Variants in DHX38 observed in about 807,000 individuals in gnomAD.
The protein encoded by DHX38 is DEAH-box helicase 38.
In DHX38, 100 loss-of-function variants were observed where a neutral mutation model predicts 153.1. The ratio of observed to expected loss-of-function variants is 0.65; its 90% CI spans 0.56 to 0.77. DHX38 has a LOEUF of 0.77. DHX38 is among the 30% of genes least tolerant of loss of function. The pLI is 0.00. For synonymous variants in DHX38, 650 were observed against 631.7 expected (o/e 1.03, Z -0.43); for missense variants, 1,440 against 1,654.0 (o/e 0.87, Z 2.24).
intron 7 of DHX38, 21 bp from the exon 8 acceptor site, chr16:72,099,711 G>C: frequency 6.2e-7 from 1 of 1,613,550 alleles, no homozygotes; most frequent in Non-Finnish European, 8.5e-7. Context: ...TCACTCCCTT[G>C]CTTTGCCTCC....
chr16:72,109,546 G>T (rs1314918386), intron 25 of DHX38, 36 bp downstream of exon 25: 1 of 1,584,130 alleles, frequency 6.3e-7, no homozygotes, highest in Non-Finnish European at 8.6e-7. Context: ...GGTGCTGTTT[G>T]CCTGTGGGGT....
chr16:72,096,591 T>C, intron 2 of DHX38, 111 bp downstream of exon 2: 1 of 1,464,230 alleles, frequency 6.8e-7, no homozygotes, highest in African/African-American at 1.4e-5. Context: ...TTTATGATTT[T>C]ATTATGATTC....
At chr16:72,102,894 C>T (rs901440206) in intron 11 of DHX38, among the ~76,000 whole-genome samples, 180 bp from the exon 12 acceptor site, 3 of 152,196 alleles carry the variant, frequency 2.0e-5, no homozygotes, top group African/African-American at 4.8e-5. Flanking sequence ...ATGATGGATT[C>T]TCAAGTAGCA....
rs370725231 is a variant in DHX38, at chr16:72,096,445, C to A, written c.288C>A (p.Gly96=). ...KDDQKDAEEE[G]GDQAGQNIRK... ...ACCAGAAGGATGCTGAGGAAGAGGG[C>A]GGTGACCAGGCTGGCCAAAATATCC... The change falls in exon 2 of 27, where the codon GGC becomes GGA. Residue 96 remains glycine (G), a synonymous_variant. Coordinates refer to ENST00000268482, the MANE Select transcript of DHX38 (RefSeq NM_014003.4). 2 of 1,613,314 alleles carry A rather than the reference C, an allele frequency of 1.2e-6. No homozygotes were observed. Among genetic ancestry groups the A allele is most frequent in the African/African-American group, 2.7e-5 (2 of 74,912 alleles).
At position 72,107,118 on chromosome 16, in the gene DHX38, GTGAGACTC is replaced by G. The variant is rs919565544; in HGVS notation, c.2601-219_2601-212del. ...CGGGAGGCAGAGGTTGGGCAACAGA[GTGAGACTC>G]TGTCTAAAAAAAAAAGAAATGAAAC... On this transcript the variant is annotated intron_variant, in intron 19 of 26. Coordinates refer to ENST00000268482, the MANE Select transcript of DHX38 (RefSeq NM_014003.4). This position sits in a 1 kb window ranked among gnomAD's most constrained non-coding sequence, Gnocchi z 5.3. Among the ~76,000 whole-genome samples the G allele has an allele frequency of 3.9e-5, 6 of 152,164 alleles. No homozygotes were observed. Among genetic ancestry groups the G allele is most frequent in the Non-Finnish European group, 8.8e-5 (6 of 68,040 alleles).
intron 3 of DHX38, chr16:72,097,359 G>T: frequency 2.4e-6 from 1 of 413,706 alleles, no homozygotes; most frequent in East Asian, 4.1e-5. Context: ...ATCCAATGCT[G>T]TCCTTGCTCA....
chr16:72,103,837 C>T (rs377014447), intron 13 of DHX38, 49 bp downstream of exon 13: 123 of 1,596,636 alleles, frequency 7.7e-5, no homozygotes, highest in Non-Finnish European at 9.9e-5. Flanking sequence ...TAGTAGCTTC[C>T]ACCCATTTTT....
chr16:72,100,816 A>T (rs1217618798), intron 9 of DHX38, among the ~76,000 whole-genome samples: 1 of 152,134 alleles, frequency 6.6e-6, no homozygotes, highest in Non-Finnish European at 1.5e-5. Context: ...AGTTTCAGCT[A>T]CTCGGGAGGC....
In DHX38 at chr16:72,107,551, G is replaced by A. The variant is rs1296958129; in HGVS notation, c.2809+3G>A. The A allele has an allele frequency of 1.2e-6, 2 of 1,611,548 alleles. No homozygotes were observed. The highest frequency in any genetic ancestry group is 1.7e-6 in the Non-Finnish European group (2 of 1,177,860). On this transcript the variant is annotated splice_donor_region_variant and intron_variant, in intron 20 of 26. Transcript: ENST00000268482. The surrounding 1 kb of genome is among the most constrained non-coding windows in gnomAD (Gnocchi z 5.3). ...CCTCGGGGCCCTGGACAACACAGGT[G>A]AGGCGGCCCCGGGAGCCTCATGGGT...
rs572242169 is a variant in DHX38 at position 72,101,159 on chromosome 16, T to C, written c.1352T>C (p.Val451Ala). 12 of 1,614,256 alleles carry C rather than the reference T, an allele frequency of 7.4e-6. No homozygotes were observed. The highest frequency in any genetic ancestry group is 5.0e-5 in the Admixed American group (3 of 60,032). The change falls in exon 10 of 27, where the codon GTG becomes GCG. Residue 451 changes from valine to alanine, a missense_variant. By Grantham distance (64) the Val-to-Ala change is moderately conservative. Coordinates refer to ENST00000268482, the MANE Select transcript of DHX38 (RefSeq NM_014003.4). ...ATTGCTCGGAAAGGCAGCCAGACAG[T>C]GCGGAAGCACAGGGAGCAGAAGGAG... ...AIIARKGSQT[V>A]RKHREQKERK...
intron 8 of DHX38, 107 bp from the exon 9 acceptor site, chr16:72,100,329 C>A: frequency 7.0e-7 from 1 of 1,423,976 alleles, no homozygotes; most frequent in Non-Finnish European, 9.5e-7. Context: ...ATCTTTGCAG[C>A]TACCAGTGGC....
In DHX38 at chr16:72,103,126, G is replaced by A; in HGVS notation, c.1552G>A (p.Glu518Lys). The change falls in exon 12 of 27, where the codon GAA (glutamate) becomes AAA (lysine). Residue 518 changes from glutamate to lysine, a missense_variant. Glu to Lys is a moderately conservative substitution (Grantham distance 56). Transcript: ENST00000268482. The stretch of plus-strand genomic sequence containing the variant: ...GAAGAGAAAGAGCGAAGCCAGCAGT[G>A]AATTTGCAAAGAAGAAGTCCATCCT... ...HMKRKSEASS[E>K]FAKKKSILEQ... 1 of 1,614,240 alleles carries A rather than the reference G, an allele frequency of 6.2e-7. No individual in the cohort carries two copies. Among genetic ancestry groups the A allele is most frequent in the Non-Finnish European group, 8.5e-7 (1 of 1,180,046 alleles).
At position 72,098,866 on chromosome 16, in the gene DHX38, G is replaced by A. The variant is rs372478257; in HGVS notation, c.765-61G>A. 14 of 1,613,694 alleles carry A rather than the reference G, an allele frequency of 8.7e-6. No individual in the cohort carries two copies. The East Asian group carries it at 1.1e-4, about 13-fold the overall frequency. ...AGCCTCGGCAGGGAGAGCAGATGGT[G>A]GCCAGGAGGACGTGGCTTAGCTCAG... On this transcript the variant is annotated intron_variant, in intron 5 of 26. Transcript: ENST00000268482.
Position 72,107,267 on chromosome 16 carries a change from C to T in DHX38, c.2601-73C>T. 1.4e-6 allele frequency: 2 copies of T among 1,454,268 alleles called. No individual in the cohort carries two copies. The highest frequency in any genetic ancestry group is 1.8e-6 in the Non-Finnish European group (2 of 1,081,878). 90.1% of individuals were successfully genotyped at this position (1,454,268 alleles called of 1,614,324 possible). A position where few individuals can be genotyped will look rare whatever the true frequency, so the allele number is the denominator to read the frequency against. On this transcript the variant is annotated intron_variant, in intron 19 of 26. Transcript: ENST00000268482. This position sits in a 1 kb window ranked among gnomAD's most constrained non-coding sequence, Gnocchi z 5.3. ...GAAGAAATGAGAATTTCCTCCCTCC[C>T]TGTGGGATTTCATCTGTACTGGCTG...
At chr16:72,108,969 T>A (rs2042221877) in intron 24 of DHX38, 44 bp downstream of exon 24, 1 of 1,546,034 alleles carries the variant, frequency 6.5e-7, no homozygotes, top group Non-Finnish European at 8.7e-7. Context: ...GCCCCCTGTC[T>A]GGCCAGGCTT....
In DHX38 at chr16:72,103,699, A is replaced by G; in HGVS notation, c.1735A>G (p.Met579Val). 1 of 1,614,114 alleles carries G rather than the reference A, an allele frequency of 6.2e-7. No individual in the cohort carries two copies. The highest frequency in any genetic ancestry group is 2.2e-5 in the East Asian group (1 of 44,876). Residue 579 changes from methionine to valine, a missense_variant, in exon 13 of 27, where the codon ATG becomes GTG. By Grantham distance (21) the Met-to-Val change is conservative. This residue lies in a region of DHX38 where 241 missense variants were observed against 229.5 expected (regional missense o/e 1.05). Coordinates refer to ENST00000268482, the MANE Select transcript of DHX38 (RefSeq NM_014003.4). Reference protein sequence around the residue: ...LHEDGYTDYGMIGCTQPRRVA... With the variant: ...LHEDGYTDYGVIGCTQPRRVA... ...TGAAGATGGTTACACGGACTATGGG[A>G]TGATTGGGTGTACCCAGCCCCGGCG...
Position 72,103,987 on chromosome 16 carries a change from C to T in DHX38, c.1866C>T (p.Asn622=), listed in dbSNP as rs929338146. 2 of 1,614,214 alleles carry T rather than the reference C, an allele frequency of 1.2e-6. No individual in the cohort carries two copies. The highest frequency in any genetic ancestry group is 8.5e-7 in the Non-Finnish European group (1 of 1,180,042). The change falls in exon 14 of 27, where the codon AAC becomes AAT. Residue 622 remains asparagine, a synonymous_variant. Coordinates refer to ENST00000268482, the MANE Select transcript of DHX38 (RefSeq NM_014003.4). The part of the protein sequence containing the change: ...AIRFEDCTSE[N]TLIKYMTDGI... ...GCTTTGAAGACTGCACTTCAGAGAA[C>T]ACCTTGATCAAATACATGACTGACG...
In DHX38 at chr16:72,112,858, G is replaced by A. The variant is rs1033727216; in HGVS notation, c.*361G>A. The A allele has an allele frequency of 1.4e-6, 1 of 700,760 alleles. No homozygotes were observed. The allele number at this position is 700,760 out of a possible 1,614,324, so 43.4% of individuals were successfully genotyped here. On this transcript the variant is annotated 3_prime_UTR_variant, in exon 27 of 27. Coordinates refer to ENST00000268482, the MANE Select transcript of DHX38 (RefSeq NM_014003.4). ...CAGCAAAAAAGACCTAAAGGGAATTGTAATTTGGTTATAATTCAGGATTTG... is the reference window on the plus strand; with the variant it reads ...CAGCAAAAAAGACCTAAAGGGAATTATAATTTGGTTATAATTCAGGATTTG...
Position 72,104,219 on chromosome 16 carries a change from G to T in DHX38, c.2010+88G>T, listed in dbSNP as rs981575854. On this transcript the variant is annotated intron_variant, in intron 14 of 26. Coordinates refer to ENST00000268482, the MANE Select transcript of DHX38 (RefSeq NM_014003.4). This position sits in a 1 kb window ranked among gnomAD's most constrained non-coding sequence, Gnocchi z 4.5. ...TAGTGGGTTGCTCCAGGTGGGCTGAGGGGGTCTCTGGTAGGCCAGAGGTTC... is the reference window on the plus strand; with the variant it reads ...TAGTGGGTTGCTCCAGGTGGGCTGATGGGGTCTCTGGTAGGCCAGAGGTTC... The T allele has an allele frequency of 1.3e-6, 2 of 1,498,520 alleles. No homozygotes were observed. Among genetic ancestry groups the T allele is most frequent in the African/African-American group, 2.8e-5 (2 of 72,404 alleles). The allele number at this position is 1,498,520 out of a possible 1,614,324, so 92.8% of individuals were successfully genotyped here.
Sources: allele counts gnomAD v4.1 joint callset (sites outside exome capture counted in the v4.1 genomes callset), GRCh38; gene constraint gnomAD v4.1.1; regional missense constraint gnomAD v4.1.1; non-coding constraint Gnocchi (gnomAD v3.1); transcripts MANE v1.5; gene names NCBI Gene and HGNC (gene_info 2026-07-23, HGNC 2026-07-21).